GFRA3: variants seen among roughly 807,000 people sequenced by gnomAD.
GFRA3 encodes the protein GDNF family receptor alpha-3.
In GFRA3, 24 loss-of-function variants were observed where a neutral mutation model predicts 40.0. The observed-to-expected ratio is 0.60, with a 90% confidence interval of 0.43 to 0.84. GFRA3 has a LOEUF of 0.84. GFRA3 is among the 40% of genes least tolerant of loss of function. GFRA3 has a pLI of 0.00. For synonymous variants in GFRA3, 203 were observed against 213.5 expected (o/e 0.95, Z 0.43); for missense variants, 405 against 530.6 (o/e 0.76, Z 2.33).
intron 1 of GFRA3, among the ~76,000 whole-genome samples, chr5:138,271,911 T>TGTGTGTGGGTG (rs61407779): frequency 1.1e-5 from 1 of 95,230 alleles, no homozygotes; most frequent in East Asian, 3.0e-4. Flanking sequence ...TTTTTTTTTT[T>TGTGTGTGGGTG]TTTGTGTGTG....
chr5:138,258,095 T>C, intron 3 of GFRA3, 144 bp from the exon 4 acceptor site: 1 of 623,832 alleles, frequency 1.6e-6, no homozygotes. Flanking sequence ...ATAAACCCAC[T>C]CCTAATCCAG....
chr5:138,255,777 T>C (rs1755617113), intron 4 of GFRA3, among the ~76,000 whole-genome samples: 1 of 151,706 alleles, frequency 6.6e-6, no homozygotes, highest in African/African-American at 2.4e-5. Flanking sequence ...TGTGCACTTA[T>C]AGTCCCAACA....
At chr5:138,274,189 T>G in intron 1 of GFRA3, 145 bp downstream of exon 1, 1 of 1,104,728 alleles carries the variant, frequency 9.1e-7, no homozygotes, top group Non-Finnish European at 1.2e-6. Flanking sequence ...GCAGGCACCC[T>G]GGGCTTCCTG....
At chr5:138,265,309 C>A (rs1045561971) in intron 1 of GFRA3, among the ~76,000 whole-genome samples, 5 of 149,956 alleles carry the variant, frequency 3.3e-5, no homozygotes, top group African/African-American at 9.9e-5. Flanking sequence ...CTCCGCCTCC[C>A]GGGTTCAAGC....
At chr5:138,266,793 T>C (rs1294760492) in intron 1 of GFRA3, among the ~76,000 whole-genome samples, 1 of 152,006 alleles carries the variant, frequency 6.6e-6, no homozygotes, top group Admixed American at 6.6e-5. Flanking sequence ...GCGATTCTCC[T>C]GCCTCAGCCT....
At position 138,257,147 on chromosome 5, in the gene GFRA3, T is replaced by G. The variant is rs1454109560; in HGVS notation, c.785+492A>C. On this transcript the variant is annotated intron_variant, in intron 4 of 7. Coordinates refer to ENST00000274721, the MANE Select transcript of GFRA3 (RefSeq NM_001496.4). ...CGGAACCTTAGGTTTAGTGATGGAGTTTTTAGGTTAAGTGCTGTGCTCAAG... is the reference window on the plus strand; with the variant it reads ...CGGAACCTTAGGTTTAGTGATGGAGGTTTTAGGTTAAGTGCTGTGCTCAAG... Among the ~76,000 whole-genome samples, 4 of 151,834 alleles carry G rather than the reference T, an allele frequency of 2.6e-5. No individual in the cohort carries two copies. In the East Asian group the frequency reaches 5.8e-4, roughly 22 times the overall value.
Position 138,272,009 on chromosome 5 carries a change from CT to C in GFRA3, c.91+2324del, listed in dbSNP as rs558882177. Among the ~76,000 whole-genome samples the C allele has an allele frequency of 1.2e-3, 122 of 97,878 alleles. 1 individual carries two copies. Among genetic ancestry groups the C allele is most frequent in the Middle Eastern group, 6.6e-3 (1 of 152 alleles). 64.2% of individuals were successfully genotyped at this position (97,878 alleles called of 152,430 possible). On this transcript the variant is annotated intron_variant, in intron 1 of 7. Coordinates refer to ENST00000274721, the MANE Select transcript of GFRA3 (RefSeq NM_001496.4). ...TGCACGTTCACAGTATTTTCTTTTT[CT>C]TTTTTTTTTTTTTGAGACGGAGTCT...
Position 138,268,803 on chromosome 5 carries a change from T to C in GFRA3, c.92-4255A>G, listed in dbSNP as rs894108305. Among the ~76,000 whole-genome samples, 8 of 151,628 alleles carry C rather than the reference T, an allele frequency of 5.3e-5. No individual in the cohort carries two copies. The East Asian group carries it at 1.4e-3, about 26-fold the overall frequency. ...TACTCAGGATGGTGGTGAGCTCCTG[T>C]AGTCCCAGCTACTCGGGAGGCTGAG... On this transcript the variant is annotated intron_variant, in intron 1 of 7. Transcript: ENST00000274721.
rs772438017 is a variant in GFRA3 at position 138,274,340 on chromosome 5, C to T, written c.85G>A (p.Ala29Thr). The T allele has an allele frequency of 1.5e-6, 2 of 1,340,882 alleles. No individual in the cohort carries two copies. Among genetic ancestry groups the T allele is most frequent in the Admixed American group, 3.0e-5 (1 of 33,536 alleles). 83.1% of individuals were successfully genotyped at this position (1,340,882 alleles called of 1,614,324 possible). The change falls in exon 1 of 8, where the codon GCA becomes ACA. Residue 29 changes from alanine to threonine, a missense_variant. By Grantham distance (58) the Ala-to-Thr change is moderately conservative (BLOSUM62 0). Transcript: ENST00000274721. Reference sequence around the variant, plus strand: ...TGCGCGCTCTGACACTCACCGGCTGCGAGAGGCAGCGGCGACGGCGGCAGC... The same window carrying T: ...TGCGCGCTCTGACACTCACCGGCTGTGAGAGGCAGCGGCGACGGCGGCAGC... ...LLLPPSPLPL[A>T]AGDPLPTESR...
intron 1 of GFRA3, among the ~76,000 whole-genome samples, chr5:138,271,205 T>C (rs1011476678): frequency 6.6e-6 from 1 of 152,304 alleles, no homozygotes; most frequent in South Asian, 2.1e-4. Context: ...TTGGTCAGGC[T>C]GATCTTGAAC....
intron 3 of GFRA3, among the ~76,000 whole-genome samples, chr5:138,258,993 T>G (rs1755674997): frequency 6.6e-6 from 1 of 152,176 alleles, no homozygotes; most frequent in Non-Finnish European, 1.5e-5. Flanking sequence ...CACATCTTTC[T>G]CAAAAAGAGA....
In GFRA3 at chr5:138,268,284, G is replaced by GAAAAA. The variant is rs60958894; in HGVS notation, c.92-3741_92-3737dup. On this transcript the variant is annotated intron_variant, in intron 1 of 7. Coordinates refer to ENST00000274721, the MANE Select transcript of GFRA3 (RefSeq NM_001496.4). ...TGGGCAGCAGGGTGAGACTCCATCT[G>GAAAAA]AAAAAAAAAAAAAAAAAGAAATCTA... Among the ~76,000 whole-genome samples the GAAAAA allele has an allele frequency of 9.8e-3, 326 of 33,144 alleles. 51 individuals carry two copies. Among genetic ancestry groups the GAAAAA allele is most frequent in the Middle Eastern group, 0.05 (1 of 20 alleles). 21.7% of individuals were successfully genotyped at this position (33,144 alleles called of 152,430 possible).
intron 5 of GFRA3, 69 bp from the exon 6 acceptor site, chr5:138,253,969 A>C (rs1049141732): frequency 3.2e-6 from 5 of 1,582,838 alleles, no homozygotes; most frequent in Non-Finnish European, 4.3e-6. Flanking sequence ...TCTTCCACCC[A>C]TGTCAGGATC....
rs1181012565 is a variant in GFRA3, at chr5:138,252,936, G to A, written c.*32C>T. 4.1e-6 allele frequency: 5 copies of A among 1,211,640 alleles called. No homozygotes were observed. In the Admixed American group the frequency reaches 5.1e-5, roughly 12 times the overall value. 75.1% of individuals were successfully genotyped at this position (1,211,640 alleles called of 1,614,324 possible). On this transcript the variant is annotated 3_prime_UTR_variant, in exon 8 of 8. Coordinates refer to ENST00000274721, the MANE Select transcript of GFRA3 (RefSeq NM_001496.4). ...TGGGCTGCAAGTCCACCTGGGTGTGGTGGAGGGGAAGAGGGCCCTGGGGAA... is the reference window on the plus strand; with the variant it reads ...TGGGCTGCAAGTCCACCTGGGTGTGATGGAGGGGAAGAGGGCCCTGGGGAA...
intron 4 of GFRA3, among the ~76,000 whole-genome samples, chr5:138,257,142 TG>T (rs1366844526): frequency 1.3e-5 from 2 of 152,148 alleles, no homozygotes; most frequent in Admixed American, 6.5e-5. Flanking sequence ...GGTTTAGTGA[TG>T]GAGTTTTTAG....
At chr5:138,261,018 TA>T (rs1159367350) in intron 2 of GFRA3, among the ~76,000 whole-genome samples, 11 of 151,940 alleles carry the variant, frequency 7.2e-5, no homozygotes, top group African/African-American at 9.6e-5. Flanking sequence ...AGACTCCAAC[TA>T]AAAAAAACAG....
chr5:138,274,440 C>T lies in GFRA3; in HGVS notation c.-16G>A. 1 of 1,292,248 alleles carries T rather than the reference C, an allele frequency of 7.7e-7. No homozygotes were observed. Among genetic ancestry groups the T allele is most frequent in the South Asian group, 2.5e-5 (1 of 39,988 alleles). The allele number at this position is 1,292,248 out of a possible 1,614,324, so 80.0% of individuals were successfully genotyped here. A position where few individuals can be genotyped will look rare whatever the true frequency, so the allele number is the denominator to read the frequency against. On this transcript the variant is annotated 5_prime_UTR_variant, in exon 1 of 8. Coordinates refer to ENST00000274721, the MANE Select transcript of GFRA3 (RefSeq NM_001496.4). Reference sequence around the variant, plus strand: ...GGCGCACCATGGCGAGCTGTAGGCGCCGGGCTCCGCGCTCCCCTCGCTCCT... The same window carrying T: ...GGCGCACCATGGCGAGCTGTAGGCGTCGGGCTCCGCGCTCCCCTCGCTCCT...
intron 1 of GFRA3, 39 bp downstream of exon 1, chr5:138,274,295 C>G: frequency 3.8e-6 from 5 of 1,319,096 alleles, no homozygotes; most frequent in Non-Finnish European, 4.9e-6. Context: ...ACCTCCCCCT[C>G]CCACTGTACC....
intron 1 of GFRA3, among the ~76,000 whole-genome samples, chr5:138,271,901 T>TGTGTGTG (rs1435516404): frequency 0.036 from 3,462 of 97,086 alleles, 80 homozygotes; most frequent in Non-Finnish European, 0.059. Context: ...TGTTTTTTTT[T>TGTGTGTG]TTTTTTTTTT....
Sources: gnomAD v4.1 joint callset for allele counts (sites outside exome capture counted in the v4.1 genomes callset) on GRCh38, gnomAD v4.1.1 for gene constraint, MANE v1.5 for transcripts, NCBI Gene and HGNC (gene_info 2026-07-23, HGNC 2026-07-21) for gene names.